TSHZ2: variants seen among roughly 807,000 people sequenced by gnomAD.
TSHZ2 encodes the protein teashirt homolog 2.
In TSHZ2, 21 loss-of-function variants were observed where a neutral mutation model predicts 74.4. The ratio of observed to expected loss-of-function variants is 0.28; its 90% CI spans 0.20 to 0.41. The LOEUF (loss-of-function observed/expected upper bound fraction) is 0.41. TSHZ2 is among the 10% of genes least tolerant of loss of function. The pLI, the probability that TSHZ2 is intolerant of heterozygous loss-of-function variation, is 1.00. For synonymous variants in TSHZ2, 540 were observed against 515.3 expected (o/e 1.05, Z -0.65); for missense variants, 1,244 against 1,293.5 (o/e 0.96, Z 0.59).
chr20:53,102,625 A>G (rs1245351325), intron 1 of TSHZ2, among the ~76,000 whole-genome samples: 1 of 152,202 alleles, frequency 6.6e-6, no homozygotes, highest in Non-Finnish European at 1.5e-5. Flanking sequence ...ATCTCAGCTG[A>G]AAATATGTTT....
At chr20:53,352,617 T>C (rs1002460673) in intron 2 of TSHZ2, among the ~76,000 whole-genome samples, 4 of 151,254 alleles carry the variant, frequency 2.6e-5, no homozygotes, top group Non-Finnish European at 5.9e-5. Context: ...CTACTGAAAA[T>C]ACAAAAATTA....
In TSHZ2 at chr20:53,255,306, A is replaced by G. The variant is rs1482223186; in HGVS notation, c.1848A>G (p.Lys616=). ...DKDEAVKECG[K]ESPHEEASSF... ...ATGAAGCGGTGAAGGAGTGTGGGAA[A>G]GAAAGTCCCCACGAAGAGGCCTCAT... is the stretch of plus-strand genomic sequence containing the variant. Residue 616 remains lysine, a synonymous_variant, in exon 2 of 3, where the codon AAA becomes AAG. Coordinates refer to ENST00000371497, the MANE Select transcript of TSHZ2 (RefSeq NM_173485.6). This position sits in a 1 kb window ranked among gnomAD's most constrained non-coding sequence, Gnocchi z 4.1. The G allele has an allele frequency of 5.6e-6, 9 of 1,614,182 alleles. No individual in the cohort carries two copies. In the African/African-American group the frequency reaches 6.7e-5, roughly 12 times the overall value.
chr20:53,185,000 G>A (rs145842943), intron 1 of TSHZ2, among the ~76,000 whole-genome samples: 1 of 152,192 alleles, frequency 6.6e-6, no homozygotes, highest in Non-Finnish European at 1.5e-5. Context: ...TAAATATTCA[G>A]ACCATAATCA....
chr20:53,387,226 G>A (rs574656322), intron 2 of TSHZ2, among the ~76,000 whole-genome samples: 44 of 152,290 alleles, frequency 2.9e-4, no homozygotes, highest in Non-Finnish European at 5.1e-4. Context: ...CTTCCCGAGC[G>A]TTCACTGTAT....
intron 2 of TSHZ2, among the ~76,000 whole-genome samples, chr20:53,262,671 G>A (rs1451231234): frequency 6.6e-6 from 1 of 152,168 alleles, no homozygotes; most frequent in African/African-American, 2.4e-5. Flanking sequence ...TGCAAGAATC[G>A]CAGGGCAGTT....
intron 1 of TSHZ2, among the ~76,000 whole-genome samples, chr20:52,989,093 T>C (rs1008739073): frequency 6.7e-6 from 1 of 148,468 alleles, no homozygotes. Flanking sequence ...AAGGTGATCA[T>C]GAAACTCAAG....
intron 1 of TSHZ2, among the ~76,000 whole-genome samples, chr20:53,180,663 G>T (rs921685118): frequency 8.5e-5 from 13 of 152,118 alleles, no homozygotes; most frequent in African/African-American, 3.1e-4. Flanking sequence ...TATTTGATTA[G>T]GAGCACACCA....
chr20:53,004,130 C>T (rs566034518), intron 1 of TSHZ2, among the ~76,000 whole-genome samples: 2 of 151,964 alleles, frequency 1.3e-5, no homozygotes, highest in East Asian at 1.9e-4. Flanking sequence ...GCATGGAACA[C>T]GCACCCACTC....
intron 1 of TSHZ2, among the ~76,000 whole-genome samples, chr20:53,213,553 G>GCA (rs139218910): frequency 3.3e-5 from 5 of 151,938 alleles, no homozygotes; most frequent in South Asian, 4.2e-4. Flanking sequence ...AAGCGAGGCT[G>GCA]CACACACACA....
At chr20:53,370,939 G>T (rs912491461) in intron 2 of TSHZ2, among the ~76,000 whole-genome samples, 1 of 152,162 alleles carries the variant, frequency 6.6e-6, no homozygotes, top group African/African-American at 2.4e-5. Flanking sequence ...GGAAATCAAG[G>T]TGAAGGCAAG....
intron 1 of TSHZ2, among the ~76,000 whole-genome samples, chr20:53,068,798 C>T (rs1026833142): frequency 3.3e-5 from 5 of 152,044 alleles, no homozygotes; most frequent in African/African-American, 4.8e-5. Context: ...TGGTCCTTTT[C>T]ATGCACTCTT....
chr20:52,985,640 A>T (rs1055317952), intron 1 of TSHZ2, among the ~76,000 whole-genome samples: 1 of 152,238 alleles, frequency 6.6e-6, no homozygotes, highest in Non-Finnish European at 1.5e-5. Context: ...TGAAGGGCAG[A>T]TGTTGTGTCT....
chr20:52,989,339 G>T (rs1047678214), intron 1 of TSHZ2, among the ~76,000 whole-genome samples: 2 of 152,012 alleles, frequency 1.3e-5, no homozygotes, highest in African/African-American at 4.8e-5. Flanking sequence ...AATAAGAAAT[G>T]GAATGAAATG....
At chr20:53,439,364 T>C (rs1228655060) in intron 2 of TSHZ2, among the ~76,000 whole-genome samples, 1 of 152,216 alleles carries the variant, frequency 6.6e-6, no homozygotes. Context: ...AAAAAATTTT[T>C]AACCTAATAA....
chr20:53,339,694 A>G (rs1379895035), intron 2 of TSHZ2, among the ~76,000 whole-genome samples: 5 of 152,156 alleles, frequency 3.3e-5, no homozygotes, highest in African/African-American at 1.2e-4. Context: ...AATGACCTTC[A>G]GGCCCATCTG....
At chr20:52,985,818 G>T (rs544439044) in intron 1 of TSHZ2, among the ~76,000 whole-genome samples, 1 of 152,278 alleles carries the variant, frequency 6.6e-6, no homozygotes, top group South Asian at 2.1e-4. Flanking sequence ...TCAAACCATC[G>T]TCTCCAATTA....
intron 1 of TSHZ2, among the ~76,000 whole-genome samples, chr20:53,207,677 ATTTTT>A (rs934114302): frequency 1.4e-5 from 2 of 145,526 alleles, no homozygotes; most frequent in South Asian, 4.2e-4. Context: ...TTTTTATTTT[ATTTTT>A]TTATTTATTT....
At chr20:53,310,152 G>A (rs1173699762) in intron 2 of TSHZ2, among the ~76,000 whole-genome samples, 1 of 152,234 alleles carries the variant, frequency 6.6e-6, no homozygotes, top group Non-Finnish European at 1.5e-5. Flanking sequence ...AGACTAAATT[G>A]CCTTTGCAGG....
Position 53,175,131 on chromosome 20 carries a change from C to CTTTTTT in TSHZ2, c.41-78345_41-78340dup, listed in dbSNP as rs750453219. On this transcript the variant is annotated intron_variant, in intron 1 of 2. Transcript: ENST00000371497. Reference sequence around the variant, plus strand: ...CTCCTTCTCCTCCTTCTTCTTCTTTCTTTTTTTTTTTTTTTTTTTTTTTTT... The same window carrying CTTTTTT: ...CTCCTTCTCCTCCTTCTTCTTCTTTCTTTTTTTTTTTTTTTTTTTTTTTTTTTTTTT... Among the ~76,000 whole-genome samples, 227 of 63,644 alleles carry CTTTTTT rather than the reference C, an allele frequency of 3.6e-3. 15 individuals are homozygous for CTTTTTT. The highest frequency in any genetic ancestry group is 0.013 in the East Asian group (16 of 1,198). 41.8% of individuals were successfully genotyped at this position (63,644 alleles called of 152,430 possible).
Sources: gnomAD v4.1 joint callset for allele counts (sites outside exome capture counted in the v4.1 genomes callset) on GRCh38, gnomAD v4.1.1 for gene constraint, Gnocchi (gnomAD v3.1) non-coding constraint, MANE v1.5 for transcripts, NCBI Gene and HGNC (gene_info 2026-07-23, HGNC 2026-07-21) for gene names.